CMYA5: variants seen among roughly 807,000 people sequenced by gnomAD.
CMYA5 encodes cardiomyopathy-associated protein 5.
Under a neutral mutation model 318.9 loss-of-function variants are expected in CMYA5, and 246 were observed. The ratio of observed to expected loss-of-function variants is 0.77; its 90% confidence interval spans 0.70 to 0.86. The LOEUF is 0.86. CMYA5 is among the 40% of genes least tolerant of loss of function. The pLI is 0.00. For synonymous variants in CMYA5, 1,641 were observed against 1,729.5 expected (o/e 0.95, Z 1.27); for missense variants, 4,589 against 4,678.2 (o/e 0.98, Z 0.56).
At chr5:79,728,288 AG>A (rs1827790584) in intron 1 of CMYA5, among the ~76,000 whole-genome samples, 1 of 151,910 alleles carries the variant, frequency 6.6e-6, no homozygotes, top group African/African-American at 2.4e-5. Flanking sequence ...AATGTCAGAT[AG>A]GGATTAGAGA....
intron 1 of CMYA5, among the ~76,000 whole-genome samples, chr5:79,713,239 C>T (rs1399447688): frequency 3.3e-5 from 5 of 152,012 alleles, no homozygotes; most frequent in East Asian, 1.9e-4. Context: ...TGGATGGGGG[C>T]CAGGGAGGCC....
chr5:79,792,845 C>T (rs997208894), intron 11 of CMYA5, among the ~76,000 whole-genome samples: 1 of 152,182 alleles, frequency 6.6e-6, no homozygotes, highest in Non-Finnish European at 1.5e-5. Context: ...TTAAGGGCAC[C>T]TACTACAGTT....
intron 8 of CMYA5, 197 bp downstream of exon 8, chr5:79,762,154 G>A (rs192628125): frequency 7.7e-6 from 4 of 519,110 alleles, no homozygotes; most frequent in African/African-American, 3.8e-5. Flanking sequence ...TGGAAAAACA[G>A]AGGATCATAG....
chr5:79,760,931 T>A (rs1828639069), intron 7 of CMYA5, among the ~76,000 whole-genome samples: 1 of 152,172 alleles, frequency 6.6e-6, no homozygotes, highest in South Asian at 2.1e-4. Flanking sequence ...AGAAGCCTGC[T>A]AAGTTGAAGA....
Position 79,739,887 on chromosome 5 carries a change from G to A in CMYA5, c.10638+484G>A, listed in dbSNP as rs567121295. Among the ~76,000 whole-genome samples the A allele has an allele frequency of 3.8e-3, 574 of 152,180 alleles. 3 individuals carry two copies. Among genetic ancestry groups the A allele is most frequent in the South Asian group, 0.03 (144 of 4,822 alleles). ...AGTTTAAGTTACTTGGGGGGCTGAG[G>A]TGGGAGGATCAGTTGAGCCCAGGAG... On this transcript the variant is annotated intron_variant, in intron 2 of 12. Transcript: ENST00000446378.
intron 12 of CMYA5, among the ~76,000 whole-genome samples, chr5:79,798,977 G>A (rs1242012901): frequency 6.6e-6 from 1 of 152,180 alleles, no homozygotes; most frequent in Non-Finnish European, 1.5e-5. Context: ...TGTATGGAAG[G>A]CAAGCTTACG....
chr5:79,717,884 ATTTTTTTTTT>A (rs1282948127), intron 1 of CMYA5, among the ~76,000 whole-genome samples: 1 of 91,774 alleles, frequency 1.1e-5, no homozygotes, highest in Non-Finnish European at 2.0e-5. Flanking sequence ...AACCTAAGCT[ATTTTTTTTTT>A]TTTTTTTTTT....
chr5:79,708,201 T>C (rs766000149), intron 1 of CMYA5, among the ~76,000 whole-genome samples: 2 of 152,262 alleles, frequency 1.3e-5, no homozygotes, highest in African/African-American at 2.4e-5. Context: ...ATGCTATTTC[T>C]ACCATGCTGT....
At chr5:79,707,538 T>C (rs1372952258) in intron 1 of CMYA5, among the ~76,000 whole-genome samples, 2 of 152,238 alleles carry the variant, frequency 1.3e-5, no homozygotes, top group Non-Finnish European at 2.9e-5. Flanking sequence ...AATTATAGGC[T>C]TATTAATAAA....
chr5:79,733,115 T>G lies in CMYA5; in HGVS notation c.4350T>G (p.Ser1450Arg). ...EKEIKFDSLP[S>R]VSSIAEHSVL... ...AAATTAAATTTGATTCACTTCCAAGTGTCTCCTCTATAGCAGAGCATTCTG... is the reference window on the plus strand; with the variant it reads ...AAATTAAATTTGATTCACTTCCAAGGGTCTCCTCTATAGCAGAGCATTCTG... Residue 1450 changes from serine to arginine, a missense_variant, in exon 2 of 13, where the codon AGT becomes AGG. Physicochemically the swap from Ser to Arg is moderately radical, Grantham distance 110 (BLOSUM62 -1). Around this residue, in one of 3 missense-constraint regions of CMYA5, gnomAD observed 2,132 missense variants for 2,131.3 expected, o/e 1.00. Coordinates refer to ENST00000446378, the MANE Select transcript of CMYA5 (RefSeq NM_153610.5). The G allele has an allele frequency of 6.2e-7, 1 of 1,613,802 alleles. No homozygotes were observed. The highest frequency in any genetic ancestry group is 8.5e-7 in the Non-Finnish European group (1 of 1,179,818).
At chr5:79,756,255 C>T (rs975073578) in intron 6 of CMYA5, among the ~76,000 whole-genome samples, 3 of 152,316 alleles carry the variant, frequency 2.0e-5, no homozygotes, top group African/African-American at 7.2e-5. Context: ...CACCAGCGGC[C>T]TCTGCCTTAG....
At chr5:79,745,184 T>A in intron 3 of CMYA5, 38 bp from the exon 4 acceptor site, 1 of 1,342,340 alleles carries the variant, frequency 7.4e-7, no homozygotes, top group Non-Finnish European at 1.0e-6. Context: ...ATTTCTTGTT[T>A]CATTCAGAAG....
intron 9 of CMYA5, among the ~76,000 whole-genome samples, chr5:79,778,984 A>T (rs1829002888): frequency 9.5e-6 from 1 of 105,322 alleles, no homozygotes; most frequent in African/African-American, 4.3e-5. Flanking sequence ...ACATATGTAT[A>T]CATGTGCCAT....
chr5:79,698,569 T>C (rs1827117152), intron 1 of CMYA5, among the ~76,000 whole-genome samples: 2 of 152,240 alleles, frequency 1.3e-5, no homozygotes, highest in Non-Finnish European at 2.9e-5. Flanking sequence ...TGCTGTCTGC[T>C]GTCTCTGGAA....
chr5:79,699,010 T>C (rs976719643), intron 1 of CMYA5, among the ~76,000 whole-genome samples: 2 of 151,936 alleles, frequency 1.3e-5, no homozygotes, highest in Non-Finnish European at 2.9e-5. Context: ...ATACAAAAAT[T>C]AGCTGGGCGT....
chr5:79,777,749 C>T (rs557028173), intron 9 of CMYA5, among the ~76,000 whole-genome samples: 68 of 151,718 alleles, frequency 4.5e-4, no homozygotes, highest in African/African-American at 1.5e-3. Flanking sequence ...CACCCCAGCC[C>T]GGGAGACAAG....
chr5:79,723,784 AAAAAG>A (rs1301446726), intron 1 of CMYA5, among the ~76,000 whole-genome samples: 1 of 151,848 alleles, frequency 6.6e-6, no homozygotes, highest in Non-Finnish European at 1.5e-5. Flanking sequence ...ATGAAAAAAA[AAAAAG>A]AAAAGAAAAG....
At position 79,799,873 on chromosome 5, in the gene CMYA5, A is replaced by AG; in HGVS notation, c.*257_*258insG. 2 of 142,344 alleles carry AG rather than the reference A, an allele frequency of 1.4e-5. No homozygotes were observed. Among genetic ancestry groups the AG allele is most frequent in the South Asian group, 1.5e-4 (1 of 6,880 alleles). The allele number at this position is 142,344 out of a possible 1,614,324, so 8.8% of individuals were successfully genotyped here. A position where few individuals can be genotyped will look rare whatever the true frequency, so the allele number is the denominator to read the frequency against. ...AAGTTTGAGTTCTTTCCTAAATTAA[A>AG]AGATCTACACTTGAGTTGGGAACCG... On this transcript the variant is annotated 3_prime_UTR_variant, in exon 13 of 13. Coordinates refer to ENST00000446378, the MANE Select transcript of CMYA5 (RefSeq NM_153610.5).
At chr5:79,702,385 C>CA (rs959037718) in intron 1 of CMYA5, among the ~76,000 whole-genome samples, 13 of 149,796 alleles carry the variant, frequency 8.7e-5, no homozygotes, top group African/African-American at 1.5e-4. Flanking sequence ...GACCCTGTCT[C>CA]AAAAAAAAGG....
Sources: gnomAD v4.1 joint callset for allele counts (sites outside exome capture counted in the v4.1 genomes callset) on GRCh38, gnomAD v4.1.1 for gene constraint, gnomAD v4.1.1 regional missense constraint, MANE v1.5 for transcripts, NCBI Gene and HGNC (gene_info 2026-07-23, HGNC 2026-07-21) for gene names.